VPS36: variants seen among roughly 807,000 people sequenced by gnomAD.
VPS36 encodes vacuolar protein-sorting-associated protein 36.
In VPS36, 31 loss-of-function variants were observed where a neutral mutation model predicts 63.5. The observed-to-expected ratio is 0.49, with a 90% confidence interval of 0.37 to 0.66. The LOEUF (loss-of-function observed/expected upper bound fraction) is 0.66. Among genes scored for constraint, VPS36 ranks in the 30% least tolerant of loss-of-function variants. The pLI is 0.00. For missense variants in VPS36, 338 were observed against 463.7 expected, an observed-to-expected ratio of 0.73 and a Z score of 2.49; for synonymous variants, 138 against 157.2, an observed-to-expected ratio of 0.88 and a Z score of 0.91.
chr13:52,418,124 T>A, intron 10 of VPS36, 68 bp from the exon 11 acceptor site: 2 of 1,336,322 alleles, frequency 1.5e-6, no homozygotes, highest in Non-Finnish European at 2.1e-6. Flanking sequence ...AGAGTATATT[T>A]TAAAATTACC....
chr13:52,445,208 T>C (rs1695841957), intron 1 of VPS36, among the ~76,000 whole-genome samples: 1 of 152,238 alleles, frequency 6.6e-6, no homozygotes, highest in African/African-American at 2.4e-5. Context: ...TGGCACTTAG[T>C]TCAGTCTGGC....
At chr13:52,416,531 T>A (rs964667698) in intron 12 of VPS36, among the ~76,000 whole-genome samples, 4 of 152,182 alleles carry the variant, frequency 2.6e-5, no homozygotes, top group African/African-American at 9.7e-5. Context: ...GGATAATAAA[T>A]ATAAGTTATT....
intron 2 of VPS36, among the ~76,000 whole-genome samples, chr13:52,440,218 A>AC (rs1374507010): frequency 1.3e-5 from 2 of 150,750 alleles, no homozygotes; most frequent in Admixed American, 6.6e-5. Flanking sequence ...ACCTCAAGTG[A>AC]CCCCCCTGCC....
At chr13:52,416,533 TAA>T (rs1272067804) in intron 12 of VPS36, among the ~76,000 whole-genome samples, 1 of 152,192 alleles carries the variant, frequency 6.6e-6, no homozygotes, top group Admixed American at 6.5e-5. Flanking sequence ...ATAATAAATA[TAA>T]GTTATTCAAA....
At chr13:52,418,573 CAAAAAA>C (rs1201650906) in intron 10 of VPS36, among the ~76,000 whole-genome samples, 19 of 31,172 alleles carry the variant, frequency 6.1e-4, no homozygotes, top group African/African-American at 1.7e-3. Flanking sequence ...GACTCCATCT[CAAAAAA>C]AAAAAAAAAA....
intron 1 of VPS36, among the ~76,000 whole-genome samples, chr13:52,446,732 G>A (rs1226950899): frequency 2.0e-5 from 3 of 152,064 alleles, no homozygotes; most frequent in South Asian, 2.1e-4. Context: ...GCCAGAGTGT[G>A]TATGTATATA....
rs149682956 is a variant in VPS36, at chr13:52,448,370, C to T, written c.96+2129G>A. Among the ~76,000 whole-genome samples the T allele has an allele frequency of 5.8e-3, 882 of 152,272 alleles. 11 individuals carry two copies. The highest frequency in any genetic ancestry group is 0.02 in the African/African-American group (841 of 41,548). ...CAAAAGATGAAGGAAGCCAGGATAC[C>T]GCACCTTCCCCCAGGAGTCAGCCTG... On this transcript the variant is annotated intron_variant, in intron 1 of 13. Transcript: ENST00000378060.
rs772788654 is a variant in VPS36 at position 52,423,595 on chromosome 13, T to A, written c.819A>T (p.Val273=). 3.1e-6 allele frequency: 5 copies of A among 1,612,290 alleles called. No homozygotes were observed. In the African/African-American group the frequency reaches 6.7e-5, roughly 22 times the overall value. The change falls in exon 10 of 14, where the codon GTA becomes GTT. Residue 273 remains valine, a synonymous_variant. Transcript: ENST00000378060. The stretch of plus-strand genomic sequence containing the variant: ...TTACTTCCATTCCTCGAGCTCGGTT[T>A]ACTAAGCAGTACACCTCCGTGAGTG... ...IMSLTEVYCL[V]NRARGMELLS... is the part of the protein sequence containing the mutation.
At chr13:52,428,770 G>T (rs566033113) in intron 6 of VPS36, among the ~76,000 whole-genome samples, 11 of 152,134 alleles carry the variant, frequency 7.2e-5, no homozygotes, top group African/African-American at 2.4e-4. Context: ...AACTGGTAAA[G>T]ATAACACTTT....
intron 3 of VPS36, among the ~76,000 whole-genome samples, chr13:52,437,526 A>G (rs1958231247): frequency 6.6e-6 from 1 of 152,252 alleles, no homozygotes; most frequent in South Asian, 2.1e-4. Context: ...ACTAATGAGT[A>G]TAATCGAAAA....
chr13:52,426,649 A>T (rs945341764), intron 8 of VPS36, among the ~76,000 whole-genome samples: 6 of 152,272 alleles, frequency 3.9e-5, no homozygotes, highest in African/African-American at 1.4e-4. Flanking sequence ...AGGTCAGGAG[A>T]TCGAGACCAT....
At chr13:52,437,142 T>G (rs1958227404) in intron 3 of VPS36, among the ~76,000 whole-genome samples, 1 of 152,136 alleles carries the variant, frequency 6.6e-6, no homozygotes, top group African/African-American at 2.4e-5. Context: ...GTACCTAGTT[T>G]AGTGCTTTTT....
At chr13:52,431,351 TAAC>T (rs1346922411) in intron 6 of VPS36, among the ~76,000 whole-genome samples, 4 of 152,174 alleles carry the variant, frequency 2.6e-5, no homozygotes, top group Non-Finnish European at 5.9e-5. Context: ...CACTTTATAT[TAAC>T]AACAACAAAA....
intron 1 of VPS36, among the ~76,000 whole-genome samples, chr13:52,442,751 G>A (rs1958293948): frequency 6.6e-6 from 1 of 152,172 alleles, no homozygotes; most frequent in South Asian, 2.1e-4. Flanking sequence ...AGAACTCTAA[G>A]ACATTGGATG....
At chr13:52,417,231 G>A (rs1958002653) in intron 11 of VPS36, 90 bp from the exon 12 acceptor site, 11 of 1,088,440 alleles carry the variant, frequency 1.0e-5, no homozygotes, top group Non-Finnish European at 1.4e-5. Flanking sequence ...CTTCTTTTAT[G>A]CCCAGATATG....
intron 1 of VPS36, among the ~76,000 whole-genome samples, chr13:52,442,816 T>G (rs1029174619): frequency 2.0e-5 from 3 of 152,212 alleles, no homozygotes; most frequent in African/African-American, 7.2e-5. Flanking sequence ...GCAGTATATG[T>G]GTGTGTCTGC....
intron 6 of VPS36, among the ~76,000 whole-genome samples, chr13:52,432,111 G>A (rs911501478): frequency 6.6e-6 from 1 of 152,134 alleles, no homozygotes; most frequent in African/African-American, 2.4e-5. Flanking sequence ...CCATCACTTT[G>A]AGAGGCCGCG....
chr13:52,445,979 C>A (rs560649049), intron 1 of VPS36, among the ~76,000 whole-genome samples: 4,227 of 104,324 alleles, frequency 0.041, 113 homozygotes, highest in Middle Eastern at 0.07. Flanking sequence ...GGCCGGGCAC[C>A]TTGGCTCACG....
chr13:52,440,012 T>C (rs895166698), intron 2 of VPS36, among the ~76,000 whole-genome samples: 2 of 151,706 alleles, frequency 1.3e-5, no homozygotes, highest in Non-Finnish European at 2.9e-5. Context: ...GGAGTCTCGC[T>C]CTGTTGCCCA....
Sources: gnomAD v4.1 joint callset for allele counts (sites outside exome capture counted in the v4.1 genomes callset) on GRCh38, gnomAD v4.1.1 for gene constraint, MANE v1.5 for transcripts, NCBI Gene and HGNC (gene_info 2026-07-23, HGNC 2026-07-21) for gene names.